Variants in CHSY3 observed in about 807,000 individuals in gnomAD.
The protein encoded by CHSY3 is chondroitin sulfate synthase 3, also known as N-acetylgalactosaminyl-proteoglycan 3-beta-glucuronosyltransferase 3.
In CHSY3, 35 loss-of-function variants were observed where a neutral mutation model predicts 67.2. That is an observed-to-expected ratio of 0.52 (90% CI 0.40 to 0.69). CHSY3 has a LOEUF of 0.69. CHSY3 is among the 30% of genes least tolerant of loss of function. The pLI is 0.00. For synonymous variants in CHSY3, 474 were observed against 434.7 expected (o/e 1.09, Z -1.12); for missense variants, 1,069 against 1,138.5 (o/e 0.94, Z 0.88).
At chr5:130,058,959 T>A (rs1765623322) in intron 2 of CHSY3, among the ~76,000 whole-genome samples, 1 of 152,220 alleles carries the variant, frequency 6.6e-6, no homozygotes. Context: ...ATGAGACACT[T>A]GTCTTTGAAT....
intron 2 of CHSY3, among the ~76,000 whole-genome samples, chr5:130,062,519 A>G (rs1209053476): frequency 1.3e-5 from 2 of 152,150 alleles, no homozygotes; most frequent in African/African-American, 4.8e-5. Flanking sequence ...CGCATGTAAC[A>G]AGCAAGCACA....
At position 130,115,150 on chromosome 5, in the gene CHSY3, AT is replaced by A. The variant is rs148784733; in HGVS notation, c.1087-69077del. ...ATTTTTATAAATCTTCCACAATGAG[AT>A]TGAAAGATTACAGTATGAATGATTG... On this transcript the variant is annotated intron_variant, in intron 2 of 2. Transcript: ENST00000305031. Among the ~76,000 whole-genome samples the A allele has an allele frequency of 9.6e-3, 1,451 of 151,894 alleles. 20 individuals are homozygous for A. The highest frequency in any genetic ancestry group is 0.032 in the African/African-American group (1,337 of 41,408).
At chr5:130,176,364 G>C (rs949042195) in intron 2 of CHSY3, among the ~76,000 whole-genome samples, 4 of 152,204 alleles carry the variant, frequency 2.6e-5, no homozygotes, top group African/African-American at 9.6e-5. Context: ...AGAGGCTGGA[G>C]AGGATGTGGA....
At chr5:129,955,945 T>C (rs1016637041) in intron 2 of CHSY3, among the ~76,000 whole-genome samples, 1 of 152,210 alleles carries the variant, frequency 6.6e-6, no homozygotes, top group Non-Finnish European at 1.5e-5. Context: ...CTATCATTGA[T>C]GAACATTTAG....
chr5:130,089,521 C>T (rs1327597705), intron 2 of CHSY3, among the ~76,000 whole-genome samples: 1 of 152,088 alleles, frequency 6.6e-6, no homozygotes, highest in African/African-American at 2.4e-5. Context: ...TTTCAATTGG[C>T]AAATGGTACA....
chr5:129,979,546 A>T (rs542720702), intron 2 of CHSY3, among the ~76,000 whole-genome samples: 5 of 152,174 alleles, frequency 3.3e-5, no homozygotes, highest in Non-Finnish European at 7.3e-5. Context: ...TAGCCTCCGC[A>T]TTATCAACAT....
chr5:129,927,142 T>A (rs1014862739), intron 2 of CHSY3, among the ~76,000 whole-genome samples: 66 of 151,972 alleles, frequency 4.3e-4, no homozygotes, highest in African/African-American at 1.1e-3. Context: ...CTAATTTTTT[T>A]AAATTTCAAC....
chr5:130,011,600 A>G (rs891774016), intron 2 of CHSY3, among the ~76,000 whole-genome samples: 1 of 152,206 alleles, frequency 6.6e-6, no homozygotes, highest in Non-Finnish European at 1.5e-5. Flanking sequence ...CCTATTCAAC[A>G]TAGTAATGGA....
At chr5:130,037,715 T>A (rs1396027458) in intron 2 of CHSY3, among the ~76,000 whole-genome samples, 5 of 152,110 alleles carry the variant, frequency 3.3e-5, no homozygotes, top group African/African-American at 1.2e-4. Context: ...TTTTATTATT[T>A]AATTTTTTAA....
At chr5:130,178,556 T>G (rs1770150981) in intron 2 of CHSY3, among the ~76,000 whole-genome samples, 2 of 151,898 alleles carry the variant, frequency 1.3e-5, no homozygotes, top group African/African-American at 4.8e-5. Flanking sequence ...CCGGCCGTGG[T>G]CTGGTTTTAT....
chr5:129,925,199 A>G (rs1335830035), intron 2 of CHSY3, among the ~76,000 whole-genome samples: 1 of 152,186 alleles, frequency 6.6e-6, no homozygotes, highest in Non-Finnish European at 1.5e-5. Context: ...CATAAGAATG[A>G]ACCTGGGAAG....
At chr5:130,098,248 A>G (rs1425126391) in intron 2 of CHSY3, among the ~76,000 whole-genome samples, 2 of 152,130 alleles carry the variant, frequency 1.3e-5, no homozygotes, top group African/African-American at 4.8e-5. Context: ...CCAACCTTCA[A>G]TCTGTTCTCT....
intron 2 of CHSY3, among the ~76,000 whole-genome samples, chr5:130,063,649 C>G (rs146647497): frequency 4.6e-5 from 7 of 152,104 alleles, no homozygotes; most frequent in African/African-American, 1.7e-4. Context: ...AACCGAATAC[C>G]ACAGACTGGA....
chr5:130,075,369 GTCATATATTATATACTTTAAT>G (rs1481466014), intron 2 of CHSY3, among the ~76,000 whole-genome samples: 1 of 152,086 alleles, frequency 6.6e-6, no homozygotes, highest in Non-Finnish European at 1.5e-5. Flanking sequence ...TGGGTCTCTA[GTCATATATTATATACTTTAAT>G]TACTACAGCT....
intron 2 of CHSY3, among the ~76,000 whole-genome samples, chr5:130,126,690 G>A (rs184826498): frequency 1.4e-4 from 21 of 152,134 alleles, no homozygotes; most frequent in East Asian, 9.6e-4. Flanking sequence ...TTGAATGGTC[G>A]AATCATTCTC....
chr5:130,107,114 CAT>C (rs1416810874), intron 2 of CHSY3, among the ~76,000 whole-genome samples: 2 of 151,100 alleles, frequency 1.3e-5, no homozygotes, highest in African/African-American at 4.8e-5. Flanking sequence ...TTTAACATAA[CAT>C]TGATAATAAT....
chr5:130,145,007 G>T (rs1270403160), intron 2 of CHSY3, among the ~76,000 whole-genome samples: 1 of 152,126 alleles, frequency 6.6e-6, no homozygotes. Context: ...GAGGAAGAGA[G>T]AGGGAAGGGC....
chr5:130,130,104 A>G (rs1276341613), intron 2 of CHSY3, among the ~76,000 whole-genome samples: 2 of 152,112 alleles, frequency 1.3e-5, no homozygotes, highest in East Asian at 1.9e-4. Flanking sequence ...TGTTTATTCT[A>G]TTAGGATGTC....
chr5:129,964,979 G>A (rs1580590070), intron 2 of CHSY3, among the ~76,000 whole-genome samples: 1 of 151,996 alleles, frequency 6.6e-6, no homozygotes, highest in South Asian at 2.1e-4. Context: ...TACATAGGTT[G>A]AATCATGTGT....
Sources: allele counts gnomAD v4.1 joint callset (sites outside exome capture counted in the v4.1 genomes callset), GRCh38; gene constraint gnomAD v4.1.1; transcripts MANE v1.5; gene names NCBI Gene and HGNC (gene_info 2026-07-23, HGNC 2026-07-21).